The following CSMD3 variants were observed in gnomAD, a reference collection of about 807,000 sequenced individuals.
CSMD3 encodes the protein CUB and Sushi multiple domains 3.
Under a neutral mutation model 435.2 loss-of-function variants are expected in CSMD3, and 177 were observed. The observed-to-expected ratio is 0.41, with a 90% CI of 0.36 to 0.46. CSMD3 has a LOEUF of 0.46. CSMD3 is among the 20% of genes least tolerant of loss of function. The pLI, the probability that CSMD3 is intolerant of heterozygous loss-of-function variation, is 0.34. For synonymous variants in CSMD3, 1,656 were observed against 1,520.5 expected, an observed-to-expected ratio of 1.09 and a Z score of -2.07; for missense variants, 4,265 against 4,504.6, an observed-to-expected ratio of 0.95 and a Z score of 1.52.
At chr8:113,284,894 C>T (rs139476600) in intron 2 of CSMD3, among the ~76,000 whole-genome samples, 7 of 152,240 alleles carry the variant, frequency 4.6e-5, no homozygotes, top group Non-Finnish European at 1.0e-4. Flanking sequence ...CACAGTCCAG[C>T]GGTATTTTCT....
chr8:112,903,151 C>CAAAAAAAAAAAAA (rs763330055), intron 10 of CSMD3, among the ~76,000 whole-genome samples: 239 of 53,546 alleles, frequency 4.5e-3, no homozygotes, highest in East Asian at 6.7e-3. Context: ...GCAGTCTTGG[C>CAAAAAAAAAAAAA]AAAAAAAAAA....
At chr8:112,608,171 C>A (rs869121180) in intron 22 of CSMD3, among the ~76,000 whole-genome samples, 2 of 151,148 alleles carry the variant, frequency 1.3e-5, no homozygotes, top group African/African-American at 4.9e-5. Context: ...ATGAACTATT[C>A]AAAAAAGACA....
At chr8:112,866,656 A>G (rs767826035) in intron 10 of CSMD3, among the ~76,000 whole-genome samples, 5 of 152,114 alleles carry the variant, frequency 3.3e-5, no homozygotes, top group Non-Finnish European at 7.4e-5. Context: ...ATTTCTATCT[A>G]TCTTTACAGT....
chr8:112,564,325 TCCTTCTCCCCTC>T (rs1018666815), intron 24 of CSMD3, among the ~76,000 whole-genome samples: 13 of 151,016 alleles, frequency 8.6e-5, no homozygotes, highest in African/African-American at 2.9e-4. Context: ...CTTCTTCCCT[TCCTTCTCCCCTC>T]CCTTCTCCCC....
At chr8:112,642,529 T>C (rs1586870993) in intron 20 of CSMD3, among the ~76,000 whole-genome samples, 1 of 152,276 alleles carries the variant, frequency 6.6e-6, no homozygotes, top group Non-Finnish European at 1.5e-5. Context: ...TATTTAGATA[T>C]TTAGATTTAT....
chr8:112,720,667 CAACA>C (rs1472753151), intron 13 of CSMD3, among the ~76,000 whole-genome samples: 2 of 152,070 alleles, frequency 1.3e-5, no homozygotes, highest in African/African-American at 4.8e-5. Context: ...CTGATTGGCT[CAACA>C]ATCATTCACT....
chr8:112,802,515 C>G (rs1367001737), intron 12 of CSMD3, among the ~76,000 whole-genome samples: 6 of 151,988 alleles, frequency 3.9e-5, no homozygotes, highest in Non-Finnish European at 8.8e-5. Context: ...TATTATTTCT[C>G]TTTTTTGCAA....
chr8:112,244,399 C>T lies in CSMD3; in HGVS notation c.10397G>A (p.Cys3466Tyr). Residue 3466 changes from cysteine (C) to tyrosine (Y), a missense_variant, in exon 65 of 71, where the codon TGT (cysteine) becomes TAT (tyrosine). This residue lies in a region of CSMD3 where 3,255 missense variants were observed against 3,380.2 expected (regional missense o/e 0.96). Coordinates refer to ENST00000297405, the MANE Select transcript of CSMD3 (RefSeq NM_198123.2). ...DNTWTGKVPICEAGSKILVKD... is the reference protein window; with the variant it reads ...DNTWTGKVPIYEAGSKILVKD... ...ATTCTATAGAGAAAACTTACCTTCA[C>T]AAATGGGAACTTTTCCAGTCCAGGT... The T allele has an allele frequency of 6.2e-7, 1 of 1,612,962 alleles. No homozygotes were observed. Among genetic ancestry groups the T allele is most frequent in the East Asian group, 2.2e-5 (1 of 44,826 alleles).
intron 13 of CSMD3, among the ~76,000 whole-genome samples, chr8:112,753,491 A>G (rs2077621288): frequency 1.3e-5 from 2 of 152,200 alleles, no homozygotes; most frequent in South Asian, 4.1e-4. Context: ...AATGCCATTA[A>G]ATTAAATTGA....
In CSMD3 at chr8:113,238,934, C is replaced by T. The variant is rs571923047; in HGVS notation, c.514+39658G>A. On this transcript the variant is annotated intron_variant, in intron 3 of 70. Coordinates refer to ENST00000297405, the MANE Select transcript of CSMD3 (RefSeq NM_198123.2). The stretch of plus-strand genomic sequence containing the variant: ...GGTCAAACATTATTCTGTGTTCCTA[C>T]GGAAGTTATTGAGAATGAGTGTAAC... Among the ~76,000 whole-genome samples the T allele has an allele frequency of 3.9e-5, 6 of 152,240 alleles. No homozygotes were observed. The South Asian group carries it at 6.2e-4, about 16-fold the overall frequency.
chr8:113,152,910 G>C (rs949905284), intron 4 of CSMD3, among the ~76,000 whole-genome samples: 2 of 151,632 alleles, frequency 1.3e-5, no homozygotes, highest in Admixed American at 6.6e-5. Flanking sequence ...GGCAGAGGTT[G>C]CAGTGAGCCG....
chr8:112,612,750 G>C (rs1278547577), intron 22 of CSMD3, among the ~76,000 whole-genome samples: 1 of 92,154 alleles, frequency 1.1e-5, no homozygotes, highest in African/African-American at 4.3e-5. Context: ...ATGGAGTCTT[G>C]CTCTGTCACC....
intron 32 of CSMD3, among the ~76,000 whole-genome samples, chr8:112,465,104 C>A (rs1817827518): frequency 6.6e-6 from 1 of 152,072 alleles, no homozygotes; most frequent in South Asian, 2.1e-4. Flanking sequence ...CATTAAAACC[C>A]ATTTTAGAAA....
chr8:112,803,775 T>C (rs1407708354), intron 12 of CSMD3, among the ~76,000 whole-genome samples: 3 of 152,158 alleles, frequency 2.0e-5, no homozygotes, highest in Non-Finnish European at 4.4e-5. Flanking sequence ...AGCTGATATA[T>C]CTCAAATAAA....
At chr8:113,393,957 A>T (rs1400169087) in intron 1 of CSMD3, among the ~76,000 whole-genome samples, 2 of 152,098 alleles carry the variant, frequency 1.3e-5, no homozygotes, top group Non-Finnish European at 2.9e-5. Flanking sequence ...ATCTTTAAGT[A>T]TGTTATAAAA....
At chr8:113,128,760 A>C (rs1331227277) in intron 4 of CSMD3, among the ~76,000 whole-genome samples, 2 of 152,108 alleles carry the variant, frequency 1.3e-5, no homozygotes, top group Non-Finnish European at 2.9e-5. Flanking sequence ...CAATTTCAAA[A>C]TACTGCTCTC....
chr8:112,743,538 T>G (rs965301251), intron 13 of CSMD3, among the ~76,000 whole-genome samples: 1 of 151,886 alleles, frequency 6.6e-6, no homozygotes, highest in Non-Finnish European at 1.5e-5. Flanking sequence ...TTGTGATTCT[T>G]GTGATTATGT....
intron 38 of CSMD3, among the ~76,000 whole-genome samples, chr8:112,355,938 A>C (rs1048737899): frequency 6.6e-6 from 1 of 152,218 alleles, no homozygotes; most frequent in Admixed American, 6.5e-5. Flanking sequence ...ACAAATGCTC[A>C]ATATCAGTAA....
At chr8:113,415,871 AATAAC>A (rs1403421810) in intron 1 of CSMD3, among the ~76,000 whole-genome samples, 2 of 152,102 alleles carry the variant, frequency 1.3e-5, no homozygotes, top group Admixed American at 1.3e-4. Context: ...TAAGCTGCCA[AATAAC>A]ATAATCAAAT....
Sources: gnomAD v4.1 joint callset for allele counts (sites outside exome capture counted in the v4.1 genomes callset) on GRCh38, gnomAD v4.1.1 for gene constraint, gnomAD v4.1.1 regional missense constraint, MANE v1.5 for transcripts, NCBI Gene and HGNC (gene_info 2026-07-23, HGNC 2026-07-21) for gene names.